The following RNLS variants were observed in gnomAD, a reference collection of about 807,000 sequenced individuals.
The protein encoded by RNLS is renalase, FAD dependent amine oxidase, also known as renalase.
Under a neutral mutation model 39.8 loss-of-function variants are expected in RNLS, and 39 were observed. That is an observed-to-expected ratio of 0.98 (90% CI 0.76 to 1.28). The LOEUF is 1.28. Among genes scored for constraint, RNLS ranks in the 50% most tolerant of loss-of-function variants. The probability of loss-of-function intolerance (pLI) is 0.00; values close to 1 mark genes in which losing one functional copy is unlikely to be tolerated. For missense variants in RNLS, 410 were observed against 413.3 expected (o/e 0.99, Z 0.07); for synonymous variants, 147 against 150.7 (o/e 0.98, Z 0.18).
At chr10:88,506,019 G>A (rs926619430) in intron 4 of RNLS, among the ~76,000 whole-genome samples, 1 of 152,120 alleles carries the variant, frequency 6.6e-6, no homozygotes, top group African/African-American at 2.4e-5. Flanking sequence ...AACTCTGGGG[G>A]TGGGGCCAAG....
At chr10:88,402,319 T>C (rs1852973223) in intron 4 of RNLS, among the ~76,000 whole-genome samples, 1 of 151,810 alleles carries the variant, frequency 6.6e-6, no homozygotes. Flanking sequence ...GAGACACATA[T>C]GGGAGTTCCA....
At chr10:88,403,750 G>T in intron 4 of RNLS, among the ~76,000 whole-genome samples, 1 of 151,680 alleles carries the variant, frequency 6.6e-6, no homozygotes, top group Non-Finnish European at 1.5e-5. Context: ...TTTAATACAG[G>T]ATGGGCTGTG....
chr10:88,223,371 T>C, the RNLS span, among the ~76,000 whole-genome samples: 1 of 152,152 alleles, frequency 6.6e-6, no homozygotes, highest in East Asian at 1.9e-4. Flanking sequence ...AATGTAAAAA[T>C]GAGCAAAAAT....
At chr10:88,552,639 A>G (rs1458056113) in intron 4 of RNLS, among the ~76,000 whole-genome samples, 3 of 152,146 alleles carry the variant, frequency 2.0e-5, no homozygotes, top group Admixed American at 1.3e-4. Context: ...ATTTTTCCTC[A>G]ATTATATTAT....
chr10:88,552,145 A>G (rs555246045), intron 4 of RNLS, among the ~76,000 whole-genome samples: 2 of 152,322 alleles, frequency 1.3e-5, no homozygotes, highest in East Asian at 3.9e-4. Flanking sequence ...TCACTTCATT[A>G]CACAGAAGAG....
the RNLS span, among the ~76,000 whole-genome samples, chr10:88,206,617 C>A: frequency 1.3e-5 from 2 of 152,134 alleles, no homozygotes; most frequent in Non-Finnish European, 2.9e-5. Context: ...CTCCAAACCC[C>A]CTCTTCTCTA....
chr10:88,447,307 C>T (rs537631591), intron 4 of RNLS, among the ~76,000 whole-genome samples: 1 of 152,334 alleles, frequency 6.6e-6, no homozygotes, highest in South Asian at 2.1e-4. Flanking sequence ...TAAGCAACTT[C>T]AGCAAAGTCT....
chr10:88,315,819 A>G (rs2133061563), intron 5 of RNLS, among the ~76,000 whole-genome samples: 1 of 151,274 alleles, frequency 6.6e-6, no homozygotes, highest in East Asian at 1.9e-4. Context: ...GCCACCACAT[A>G]GGTCTATGAT....
intron 5 of RNLS, among the ~76,000 whole-genome samples, chr10:88,335,202 CTTTCT>C (rs2094029735): frequency 6.6e-6 from 1 of 150,724 alleles, no homozygotes; most frequent in African/African-American, 2.4e-5. Context: ...TTGATTTGAG[CTTTCT>C]TTTCTTTTAC....
intron 5 of RNLS, among the ~76,000 whole-genome samples, chr10:88,318,618 C>T (rs567887923): frequency 1.4e-4 from 21 of 152,320 alleles, no homozygotes; most frequent in African/African-American, 4.3e-4. Flanking sequence ...CAATGGAGGA[C>T]ACAGACAAGC....
intron 4 of RNLS, among the ~76,000 whole-genome samples, chr10:88,508,856 T>C (rs1182541490): frequency 2.6e-5 from 4 of 152,152 alleles, no homozygotes; most frequent in African/African-American, 9.6e-5. Flanking sequence ...AATATTCTCA[T>C]CGTTAGCTTA....
intron 4 of RNLS, among the ~76,000 whole-genome samples, chr10:88,435,723 A>G (rs940991559): frequency 2.0e-5 from 3 of 152,160 alleles, no homozygotes; most frequent in Admixed American, 1.3e-4. Flanking sequence ...AAGTGGAGAT[A>G]ATGATAGTGA....
At chr10:88,339,247 A>G (rs1847755832) in intron 5 of RNLS, among the ~76,000 whole-genome samples, 1 of 152,192 alleles carries the variant, frequency 6.6e-6, no homozygotes, top group South Asian at 2.1e-4. Flanking sequence ...TCTCTTCTTG[A>G]GCAAATAAAT....
intron 4 of RNLS, among the ~76,000 whole-genome samples, chr10:88,468,568 G>T (rs1843342989): frequency 6.7e-6 from 1 of 149,320 alleles, no homozygotes; most frequent in Admixed American, 6.7e-5. Flanking sequence ...CTTGTAACTG[G>T]ATGTGTCCTT....
At chr10:88,370,890 A>T (rs1850509446) in intron 4 of RNLS, among the ~76,000 whole-genome samples, 1 of 152,098 alleles carries the variant, frequency 6.6e-6, no homozygotes, top group African/African-American at 2.4e-5. Context: ...GTTAACTTGG[A>T]CTCTATAGGT....
At chr10:88,411,681 C>A (rs1194469716) in intron 4 of RNLS, among the ~76,000 whole-genome samples, 1 of 152,054 alleles carries the variant, frequency 6.6e-6, no homozygotes, top group Admixed American at 6.6e-5. Context: ...GAGAACATAC[C>A]TAAATGGGAA....
the RNLS span, among the ~76,000 whole-genome samples, chr10:88,188,715 C>T: frequency 0.027 from 4,064 of 152,190 alleles, 176 homozygotes; most frequent in African/African-American, 0.093. Flanking sequence ...GCTCCAATTT[C>T]TAGGAGATGC....
chr10:88,411,435 C>T (rs1233608545), intron 4 of RNLS, among the ~76,000 whole-genome samples: 1 of 151,964 alleles, frequency 6.6e-6, no homozygotes, highest in African/African-American at 2.4e-5. Context: ...CTGTTTCATA[C>T]TGCCTTCATT....
the RNLS span, among the ~76,000 whole-genome samples, chr10:88,210,156 C>T: frequency 6.6e-6 from 1 of 152,316 alleles, no homozygotes; most frequent in Non-Finnish European, 1.5e-5. Flanking sequence ...TATAGCCTCA[C>T]CTTGTCTATA....
Sources: allele counts gnomAD v4.1 joint callset (sites outside exome capture counted in the v4.1 genomes callset), GRCh38; gene constraint gnomAD v4.1.1; transcripts MANE v1.5; gene names NCBI Gene and HGNC (gene_info 2026-07-23, HGNC 2026-07-21).